The following ZBBX variants were observed in gnomAD, a reference collection of about 807,000 sequenced individuals.
ZBBX encodes the protein zinc finger B-box domain-containing protein 1.
Under a neutral mutation model 108.5 loss-of-function variants are expected in ZBBX, and 101 were observed. The ratio of observed to expected loss-of-function variants is 0.93; its 90% CI spans 0.79 to 1.10. The LOEUF (loss-of-function observed/expected upper bound fraction) is 1.10. Ranked by LOEUF, ZBBX falls within the 50% of genes least tolerant of loss-of-function variation. The probability of loss-of-function intolerance (pLI) is 0.00; values close to 1 mark genes in which losing one functional copy is unlikely to be tolerated. For missense variants in ZBBX, 1,009 were observed against 941.4 expected, an observed-to-expected ratio of 1.07 and a Z score of -0.94; for synonymous variants, 356 against 323.4, an observed-to-expected ratio of 1.10 and a Z score of -1.08.
At chr3:167,203,907 G>A in the ZBBX span, among the ~76,000 whole-genome samples, 4 of 152,134 alleles carry the variant, frequency 2.6e-5, no homozygotes, top group Non-Finnish European at 5.9e-5. Flanking sequence ...AGTACTCTGA[G>A]AACACAGACT....
At chr3:167,191,916 T>TAGAGAGAG in the ZBBX span, among the ~76,000 whole-genome samples, 8 of 103,276 alleles carry the variant, frequency 7.7e-5, no homozygotes, top group African/African-American at 2.8e-4. Flanking sequence ...TATATATATA[T>TAGAGAGAG]ATATATATAT....
intron 1 of ZBBX, among the ~76,000 whole-genome samples, chr3:167,400,316 C>T (rs1748383594): frequency 1.3e-5 from 2 of 152,126 alleles, no homozygotes; most frequent in South Asian, 4.1e-4. Flanking sequence ...ATTTACATTT[C>T]CACCAACAGT....
In ZBBX at chr3:167,305,777, T is replaced by C; in HGVS notation, c.1591A>G (p.Thr531Ala). 6.2e-7 allele frequency: 1 copy of C among 1,612,984 alleles called. No homozygotes were observed. Among genetic ancestry groups the C allele is most frequent in the African/African-American group, 1.3e-5 (1 of 75,026 alleles). The change falls in exon 17 of 22, where the codon ACT (threonine) becomes GCT (alanine). Residue 531 changes from threonine (T) to alanine (A), a missense_variant. By Grantham distance (58) the Thr-to-Ala change is moderately conservative. Transcript: ENST00000675490. ...TTTTCTAAATCTCTACCTAGCAAAGTGTCCTTGCTTTCAAGTGATACACAG... is the reference window on the plus strand; with the variant it reads ...TTTTCTAAATCTCTACCTAGCAAAGCGTCCTTGCTTTCAAGTGATACACAG... ...DSCVSLESKD[T>A]LLGRDLEKAP...
rs1553832974 is a variant in ZBBX at position 167,348,361 on chromosome 3, A to AAAG, written c.528+2056_528+2058dup. Among the ~76,000 whole-genome samples the AAAG allele has an allele frequency of 9.6e-4, 135 of 140,792 alleles. 1 individual carries two copies. The highest frequency in any genetic ancestry group is 3.8e-3 in the African/African-American group (130 of 34,502). The allele number at this position is 140,792 out of a possible 152,430, so 92.4% of individuals were successfully genotyped here. A position where few individuals can be genotyped will look rare whatever the true frequency, so the allele number is the denominator to read the frequency against. On this transcript the variant is annotated intron_variant, in intron 9 of 21. Coordinates refer to ENST00000675490, the MANE Select transcript of ZBBX (RefSeq NM_001199201.2). Reference sequence around the variant, plus strand: ...GAAAGAAAGAAAGAAAGAAAGAAAGAAAGAAAGAAAAAAAAGAAAAGAAAA... The same window carrying AAAG: ...GAAAGAAAGAAAGAAAGAAAGAAAGAAAGAAGAAAGAAAAAAAAGAAAAGAAAA...
At chr3:167,224,496 G>T in the ZBBX span, among the ~76,000 whole-genome samples, 1 of 151,858 alleles carries the variant, frequency 6.6e-6, no homozygotes, top group Non-Finnish European at 1.5e-5. Context: ...ACTATGTGAG[G>T]TAATAAACAG....
chr3:167,314,623 T>C lies in ZBBX; in HGVS notation c.1275-507A>G, dbSNP rs185394713. 6.6e-5 allele frequency among the ~76,000 whole-genome samples: 10 copies of C among 152,324 alleles called. No homozygotes were observed. The East Asian group carries it at 9.6e-4, about 15-fold the overall frequency. On this transcript the variant is annotated intron_variant, in intron 15 of 21. Coordinates refer to ENST00000675490, the MANE Select transcript of ZBBX (RefSeq NM_001199201.2). ...ATGAACTGAATAATATATTTAGTAA[T>C]ACCTGATATTTATATAAGCTCTACA...
Position 167,317,439 on chromosome 3 carries a change from T to C in ZBBX, c.1093+49A>G, listed in dbSNP as rs199894570. ...GATTCTGATTAATGCTTAGTGTATA[T>C]AACTTGAGACAATACATTTTAAAAA... is the stretch of plus-strand genomic sequence containing the variant. On this transcript the variant is annotated intron_variant, in intron 13 of 21. Coordinates refer to ENST00000675490, the MANE Select transcript of ZBBX (RefSeq NM_001199201.2). 3.6e-6 allele frequency: 5 copies of C among 1,406,362 alleles called. No homozygotes were observed. In the Admixed American group the frequency reaches 6.1e-5, roughly 17 times the overall value. The allele number at this position is 1,406,362 out of a possible 1,614,324, so 87.1% of individuals were successfully genotyped here.
the ZBBX span, among the ~76,000 whole-genome samples, chr3:167,182,185 T>G: frequency 6.6e-6 from 1 of 152,120 alleles, no homozygotes; most frequent in Non-Finnish European, 1.5e-5. Flanking sequence ...CTCCAGGAAA[T>G]GGAGTATATC....
At chr3:167,348,618 TA>T (rs1204924727) in intron 9 of ZBBX, among the ~76,000 whole-genome samples, 2 of 152,108 alleles carry the variant, frequency 1.3e-5, no homozygotes, top group Admixed American at 6.6e-5. Context: ...ACACATTTTT[TA>T]TTTGTCAATT....
chr3:167,232,746 A>G, the ZBBX span, among the ~76,000 whole-genome samples: 1 of 151,870 alleles, frequency 6.6e-6, no homozygotes, highest in Non-Finnish European at 1.5e-5. Context: ...ATGATAACTT[A>G]GAGAACAAAA....
chr3:167,272,999 C>T (rs1182216871), intron 20 of ZBBX, among the ~76,000 whole-genome samples: 2 of 152,148 alleles, frequency 1.3e-5, no homozygotes, highest in African/African-American at 2.4e-5. Flanking sequence ...GATCCTAAAC[C>T]TACTTTAAGT....
chr3:167,348,418 A>G (rs1263288582), intron 9 of ZBBX, among the ~76,000 whole-genome samples: 3 of 88,206 alleles, frequency 3.4e-5, no homozygotes, highest in African/African-American at 1.3e-4. Context: ...AGAGAGAGAA[A>G]GAGAAGAGGG....
chr3:167,184,957 A>C, the ZBBX span, among the ~76,000 whole-genome samples: 1 of 152,192 alleles, frequency 6.6e-6, no homozygotes, highest in African/African-American at 2.4e-5. Flanking sequence ...AAAATGTTAC[A>C]ATTAGGGGAC....
chr3:167,321,787 T>C (rs1486702553), intron 12 of ZBBX, among the ~76,000 whole-genome samples: 1 of 152,064 alleles, frequency 6.6e-6, no homozygotes, highest in Admixed American at 6.6e-5. Context: ...TTAGTGCTAA[T>C]ATAAAAAACT....
chr3:167,183,617 T>C, the ZBBX span, among the ~76,000 whole-genome samples: 1 of 152,230 alleles, frequency 6.6e-6, no homozygotes, highest in African/African-American at 2.4e-5. Flanking sequence ...CTGTAGATTA[T>C]AATTTAACTA....
chr3:167,221,571 T>C, the ZBBX span, among the ~76,000 whole-genome samples: 1 of 151,812 alleles, frequency 6.6e-6, no homozygotes, highest in Non-Finnish European at 1.5e-5. Flanking sequence ...ACTACTACAA[T>C]TAGAGATTTT....
chr3:167,347,815 C>G (rs1741745755), intron 9 of ZBBX, among the ~76,000 whole-genome samples: 1 of 151,994 alleles, frequency 6.6e-6, no homozygotes, highest in Admixed American at 6.6e-5. Flanking sequence ...CAAGTAGCAA[C>G]TTTGGTCTCC....
intron 18 of ZBBX, among the ~76,000 whole-genome samples, chr3:167,297,784 T>C (rs1414346007): frequency 2.6e-5 from 4 of 151,992 alleles, no homozygotes; most frequent in Non-Finnish European, 5.9e-5. Flanking sequence ...CATGAAAAGA[T>C]GCTTAACATT....
chr3:167,274,751 C>T (rs192824226), intron 20 of ZBBX, among the ~76,000 whole-genome samples: 35 of 152,278 alleles, frequency 2.3e-4, no homozygotes, highest in African/African-American at 8.2e-4. Flanking sequence ...ACCTCACGTC[C>T]CCCTCCTTTC....
Sources: gnomAD v4.1 joint callset for allele counts (sites outside exome capture counted in the v4.1 genomes callset) on GRCh38, gnomAD v4.1.1 for gene constraint, MANE v1.5 for transcripts, NCBI Gene and HGNC (gene_info 2026-07-23, HGNC 2026-07-21) for gene names.